PVT1: variants seen among roughly 807,000 people sequenced by gnomAD.
The protein encoded by PVT1 is Pvt1 oncogene, also known as CXCR4/PVT1 fusion.
chr8:127,925,553 T>TA (rs771517826), intron 3 of PVT1, among the ~76,000 whole-genome samples: 10 of 152,266 alleles, frequency 6.6e-5, no homozygotes, highest in Non-Finnish European at 1.3e-4. Context: ...TAGGATTCAT[T>TA]AATTAATTTA....
chr8:127,853,570 C>T (rs1489144424), intron 2 of PVT1, among the ~76,000 whole-genome samples: 1 of 152,074 alleles, frequency 6.6e-6, no homozygotes, highest in South Asian at 2.1e-4. Context: ...CACCTGAGGT[C>T]AGGAGTTCGA....
chr8:127,943,765 C>G (rs965168698), intron 3 of PVT1, among the ~76,000 whole-genome samples: 2 of 152,202 alleles, frequency 1.3e-5, no homozygotes, highest in African/African-American at 2.4e-5. Flanking sequence ...GACGTGGGCT[C>G]TTCCACAGAG....
chr8:127,874,621 AG>A (rs1475972935), intron 2 of PVT1, among the ~76,000 whole-genome samples: 1 of 152,186 alleles, frequency 6.6e-6, no homozygotes, highest in East Asian at 1.9e-4. Flanking sequence ...CTTGGTGTGC[AG>A]TGTCTCTGAT....
chr8:128,016,389 C>T lies in PVT1; in HGVS notation n.912+27098C>T, dbSNP rs146173170. Among the ~76,000 whole-genome samples the T allele has an allele frequency of 1.9e-3, 283 of 152,230 alleles. 3 individuals are homozygous for T. Among genetic ancestry groups the T allele is most frequent in the Middle Eastern group, 0.014 (4 of 294 alleles). On this transcript the variant is annotated intron_variant and non_coding_transcript_variant, in intron 4 of 10. Transcript: ENST00000651587. ...GAACCTACCCTTGCATAACATGTGT[C>T]ACCAACTATGGCCTTACTTATTTGT...
At chr8:127,921,339 TA>T (rs5894902) in intron 3 of PVT1, among the ~76,000 whole-genome samples, 80,135 of 150,332 alleles carry the variant, frequency 0.53, 21,469 homozygotes, top group Admixed American at 0.63. Context: ...TTAAAAATGT[TA>T]AAAAAAAAAA....
chr8:127,815,110 C>A (rs1045267093), intron 2 of PVT1, among the ~76,000 whole-genome samples: 2 of 152,090 alleles, frequency 1.3e-5, no homozygotes, highest in African/African-American at 4.8e-5. Context: ...GGATTATAGT[C>A]GTGCACCACC....
intron 2 of PVT1, among the ~76,000 whole-genome samples, chr8:127,873,520 T>A (rs1815374158): frequency 6.6e-6 from 1 of 152,174 alleles, no homozygotes; most frequent in Non-Finnish European, 1.5e-5. Flanking sequence ...CTATTTCATG[T>A]TTTTTTGTGT....
At chr8:127,907,809 C>T (rs916946170) in intron 3 of PVT1, among the ~76,000 whole-genome samples, 2 of 151,702 alleles carry the variant, frequency 1.3e-5, no homozygotes, top group African/African-American at 2.4e-5. Context: ...TTCCAAGGCA[C>T]GTTTTATAGT....
chr8:128,084,457 C>T (rs1325397633), intron 5 of PVT1, among the ~76,000 whole-genome samples: 1 of 152,104 alleles, frequency 6.6e-6, no homozygotes, highest in Non-Finnish European at 1.5e-5. Context: ...AAAGAGTTTC[C>T]CCCGCCCCTC....
intron 3 of PVT1, among the ~76,000 whole-genome samples, chr8:127,928,788 A>G (rs1195371148): frequency 6.6e-6 from 1 of 152,232 alleles, no homozygotes; most frequent in Non-Finnish European, 1.5e-5. Context: ...GGGGCTGAGA[A>G]TAAGCCTGTG....
chr8:128,017,436 A>AT (rs1174791049), intron 4 of PVT1, among the ~76,000 whole-genome samples: 3 of 151,644 alleles, frequency 2.0e-5, no homozygotes, highest in Non-Finnish European at 4.4e-5. Flanking sequence ...TGCCTCCTTA[A>AT]TTTTTTCATT....
intron 2 of PVT1, among the ~76,000 whole-genome samples, chr8:127,841,830 A>T (rs1280070239): frequency 1.3e-5 from 2 of 151,784 alleles, no homozygotes; most frequent in Non-Finnish European, 2.9e-5. Flanking sequence ...GGTTCAAGTG[A>T]TTCTCATGCC....
At chr8:127,938,081 G>A (rs754222777) in intron 3 of PVT1, among the ~76,000 whole-genome samples, 6 of 151,982 alleles carry the variant, frequency 3.9e-5, no homozygotes, top group Non-Finnish European at 5.9e-5. Flanking sequence ...CTCTTCAGGC[G>A]ACCTCCTTGG....
At position 127,970,173 on chromosome 8, in the gene PVT1, A is replaced by G. The variant is rs16902504; in HGVS notation, n.783-18989A>G. ...ATGTGGCTTACTCACCTTTCCTGCTATGCCTAACCTTCTCTTCTCCTTTCT... is the reference window on the plus strand; with the variant it reads ...ATGTGGCTTACTCACCTTTCCTGCTGTGCCTAACCTTCTCTTCTCCTTTCT... On this transcript the variant is annotated intron_variant and non_coding_transcript_variant, in intron 3 of 10. Coordinates refer to ENST00000651587, the Ensembl canonical transcript of PVT1. Among the ~76,000 whole-genome samples, 1,300 of 151,636 alleles carry G rather than the reference A, an allele frequency of 8.6e-3. 15 individuals are homozygous for G. Among genetic ancestry groups the G allele is most frequent in the African/African-American group, 0.03 (1,223 of 41,282 alleles).
At chr8:127,907,118 A>G (rs1025140048) in intron 3 of PVT1, among the ~76,000 whole-genome samples, 4 of 151,772 alleles carry the variant, frequency 2.6e-5, no homozygotes, top group Admixed American at 6.6e-5. Context: ...GTGCCACCGC[A>G]CCCGGCTAAT....
chr8:128,059,899 G>A (rs1813809418), intron 4 of PVT1, among the ~76,000 whole-genome samples: 1 of 152,158 alleles, frequency 6.6e-6, no homozygotes, highest in South Asian at 2.1e-4. Context: ...TAAGTCATTG[G>A]TCTTTGCAGG....
chr8:127,972,457 C>G (rs1586461873), intron 3 of PVT1, among the ~76,000 whole-genome samples: 1 of 152,190 alleles, frequency 6.6e-6, no homozygotes, highest in East Asian at 1.9e-4. Context: ...TGCCCCAACC[C>G]AGTGGCACAG....
Position 127,860,133 on chromosome 8 carries a change from G to T in PVT1, n.373-30456G>T, listed in dbSNP as rs367715129. Among the ~76,000 whole-genome samples the T allele has an allele frequency of 1.2e-4, 18 of 152,258 alleles. No homozygotes were observed. The East Asian group carries it at 1.7e-3, about 15-fold the overall frequency. On this transcript the variant is annotated intron_variant and non_coding_transcript_variant, in intron 2 of 10. Coordinates refer to ENST00000651587, the Ensembl canonical transcript of PVT1. ...GGGCAGGGCCACTTCCTAGAACCAT[G>T]GGGCTGCTCTGTGAAGAGAACCGGC...
intron 2 of PVT1, among the ~76,000 whole-genome samples, chr8:127,853,123 T>G (rs776216312): frequency 6.6e-6 from 1 of 152,196 alleles, no homozygotes; most frequent in Non-Finnish European, 1.5e-5. Flanking sequence ...ACAGCGAGTC[T>G]TCCCAGGCCA....
Sources: allele counts gnomAD v4.1 joint callset (sites outside exome capture counted in the v4.1 genomes callset), GRCh38; gene constraint gnomAD v4.1.1; transcripts MANE v1.5; gene names NCBI Gene and HGNC (gene_info 2026-07-23, HGNC 2026-07-21).